Variants in NOTCH2 observed in about 807,000 individuals in gnomAD.
The protein encoded by NOTCH2 is notch receptor 2, also known as neurogenic locus notch homolog protein 2.
In NOTCH2, 29 loss-of-function variants were observed where a neutral mutation model predicts 235.8. The observed-to-expected ratio is 0.12, with a 90% confidence interval of 0.09 to 0.17. The LOEUF (loss-of-function observed/expected upper bound fraction) is 0.17, where lower values mean the gene tolerates loss of function less well. Ranked by LOEUF, NOTCH2 falls within the 10% of genes least tolerant of loss-of-function variation. The pLI is 1.00. For synonymous variants in NOTCH2, 1,086 were observed against 1,141.5 expected (o/e 0.95, Z 0.98); for missense variants, 2,285 against 3,150.2 (o/e 0.73, Z 6.57).
At chr1:119,937,091 C>T (rs1243747151) in intron 21 of NOTCH2, among the ~76,000 whole-genome samples, 191 bp downstream of exon 21, 1 of 152,136 alleles carries the variant, frequency 6.6e-6, no homozygotes, top group African/African-American at 2.4e-5. Context: ...ATAAAAATAT[C>T]ATACTAGGGA....
chr1:119,928,044 TACA>T (rs1557808002), intron 23 of NOTCH2, among the ~76,000 whole-genome samples: 1 of 152,144 alleles, frequency 6.6e-6, no homozygotes, highest in African/African-American at 2.4e-5. Context: ...ATATAAGAAA[TACA>T]ACTACAGACC....
intron 1 of NOTCH2, among the ~76,000 whole-genome samples, chr1:120,048,234 C>A (rs1405554147): frequency 7.2e-6 from 1 of 139,702 alleles, no homozygotes; most frequent in Non-Finnish European, 1.5e-5. Flanking sequence ...CACATATATA[C>A]GTGCATAGCA....
chr1:120,060,559 T>C (rs1655279383), intron 1 of NOTCH2, among the ~76,000 whole-genome samples: 1 of 151,162 alleles, frequency 6.6e-6, no homozygotes, highest in South Asian at 2.1e-4. Flanking sequence ...TTGTGGACAT[T>C]TTATTTATGC....
Position 119,914,982 on chromosome 1 carries a change from C to T in NOTCH2, c.*324G>A, listed in dbSNP as rs926674235. 3.1e-5 allele frequency: 14 copies of T among 454,156 alleles called. No homozygotes were observed. The East Asian group carries it at 4.3e-4, about 14-fold the overall frequency. The allele number at this position is 454,156 out of a possible 1,614,324, so 28.1% of individuals were successfully genotyped here. ...AAGCCTGCAGGGCTTAAAATGCAGTCCAAGCTGCAAGAATGTCTGGGCTTC... is the reference window on the plus strand; with the variant it reads ...AAGCCTGCAGGGCTTAAAATGCAGTTCAAGCTGCAAGAATGTCTGGGCTTC... On this transcript the variant is annotated 3_prime_UTR_variant, in exon 34 of 34. Coordinates refer to ENST00000256646, the MANE Select transcript of NOTCH2 (RefSeq NM_024408.4).
At chr1:119,975,268 T>C (rs887808631) in intron 5 of NOTCH2, among the ~76,000 whole-genome samples, 2 of 152,112 alleles carry the variant, frequency 1.3e-5, no homozygotes, top group East Asian at 1.9e-4. Flanking sequence ...AAGTATACTG[T>C]TTTGGTTTTG....
At chr1:120,003,767 G>T (rs1652854448) in intron 3 of NOTCH2, among the ~76,000 whole-genome samples, 1 of 151,708 alleles carries the variant, frequency 6.6e-6, no homozygotes, top group African/African-American at 2.4e-5. Flanking sequence ...TTTGCCTAAA[G>T]GAATCATGAA....
intron 1 of NOTCH2, chr1:120,068,882 C>T (rs2794164): frequency 5.1e-5 from 35 of 687,994 alleles, no homozygotes; most frequent in Non-Finnish European, 7.0e-5. Context: ...CTGGCTGCGA[C>T]GGTGCAGGCC....
chr1:119,969,111 T>C (rs1021604520), intron 6 of NOTCH2, among the ~76,000 whole-genome samples: 2 of 152,214 alleles, frequency 1.3e-5, no homozygotes, highest in Non-Finnish European at 2.9e-5. Flanking sequence ...CACTTAAATG[T>C]TTCTCTCCTG....
chr1:119,944,887 G>T (rs1379238238), intron 17 of NOTCH2, among the ~76,000 whole-genome samples: 3 of 152,016 alleles, frequency 2.0e-5, no homozygotes, highest in African/African-American at 7.2e-5. Context: ...GATTTTTTCA[G>T]ACAGAAGGAA....
chr1:119,998,645 A>G (rs1772488), intron 3 of NOTCH2, among the ~76,000 whole-genome samples: 2 of 151,574 alleles, frequency 1.3e-5, no homozygotes, highest in African/African-American at 4.9e-5. Context: ...AGTCTAAGTC[A>G]CTTATTATTT....
At chr1:119,957,307 A>G (rs1417359611) in intron 12 of NOTCH2, among the ~76,000 whole-genome samples, 1 of 152,172 alleles carries the variant, frequency 6.6e-6, no homozygotes, top group Non-Finnish European at 1.5e-5. Flanking sequence ...TCCTTTCTGG[A>G]TTGTTATGAG....
rs1424066356 is a variant in NOTCH2, at chr1:119,996,938, C to T, written c.751+59G>A. Reference sequence around the variant, plus strand: ...CTAAAAACAGCAATTGAGCCACACCCACTACCTCCTGTGCTAGGGGTTTGT... The same window carrying T: ...CTAAAAACAGCAATTGAGCCACACCTACTACCTCCTGTGCTAGGGGTTTGT... On this transcript the variant is annotated intron_variant, in intron 4 of 33. Coordinates refer to ENST00000256646, the MANE Select transcript of NOTCH2 (RefSeq NM_024408.4). 2.5e-5 allele frequency: 40 copies of T among 1,579,424 alleles called. 1 individual carries two copies. The highest frequency in any genetic ancestry group is 3.5e-5 in the Non-Finnish European group (40 of 1,152,594).
At chr1:119,977,299 C>T (rs1651623360) in intron 5 of NOTCH2, among the ~76,000 whole-genome samples, 1 of 152,084 alleles carries the variant, frequency 6.6e-6, no homozygotes, top group African/African-American at 2.4e-5. Flanking sequence ...TTGTCTACAC[C>T]ACCAGTTCAC....
chr1:120,006,205 G>A (rs1428058700), intron 2 of NOTCH2, among the ~76,000 whole-genome samples: 5 of 152,078 alleles, frequency 3.3e-5, no homozygotes, highest in African/African-American at 9.7e-5. Context: ...AAAAGGGAAA[G>A]GAGGTACAGG....
chr1:120,015,197 C>A (rs4659026), intron 2 of NOTCH2, among the ~76,000 whole-genome samples: 8 of 152,226 alleles, frequency 5.3e-5, no homozygotes, highest in South Asian at 2.1e-4. Flanking sequence ...GTCGGCACTG[C>A]AGCTGCTCCT....
chr1:119,917,897 C>A, intron 32 of NOTCH2, 135 bp from the exon 33 acceptor site: 1 of 698,066 alleles, frequency 1.4e-6, no homozygotes. Flanking sequence ...TAGGAAAAAC[C>A]AAAGTAATCT....
intron 17 of NOTCH2, among the ~76,000 whole-genome samples, chr1:119,946,443 G>C (rs906577021): frequency 1.3e-5 from 2 of 151,938 alleles, no homozygotes; most frequent in African/African-American, 4.8e-5. Flanking sequence ...TACATAAAAG[G>C]AATAACACAT....
intron 1 of NOTCH2, among the ~76,000 whole-genome samples, chr1:120,038,026 T>C (rs1394110963): frequency 1.3e-5 from 2 of 152,210 alleles, no homozygotes; most frequent in Admixed American, 1.3e-4. Context: ...TTTGTTCTAT[T>C]TTATAATATT....
chr1:119,916,912 A>G (rs879793193), intron 33 of NOTCH2, among the ~76,000 whole-genome samples: 1 of 152,138 alleles, frequency 6.6e-6, no homozygotes, highest in African/African-American at 2.4e-5. Flanking sequence ...ACCTCTCCTC[A>G]AAAAAACAAT....
Sources: gnomAD v4.1 joint callset for allele counts (sites outside exome capture counted in the v4.1 genomes callset) on GRCh38, gnomAD v4.1.1 for gene constraint, MANE v1.5 for transcripts, NCBI Gene and HGNC (gene_info 2026-07-23, HGNC 2026-07-21) for gene names.